The following GAB4 variants were observed in gnomAD, a reference collection of about 807,000 sequenced individuals.
GAB4 encodes GRB2-associated-binding protein 4.
A neutral mutation model predicts 51.3 loss-of-function variants in GAB4; 26 were observed. The ratio of observed to expected loss-of-function variants is 0.51; its 90% confidence interval spans 0.37 to 0.70. The LOEUF is 0.70. Ranked by LOEUF, GAB4 falls within the 30% of genes least tolerant of loss-of-function variation. GAB4 has a pLI of 0.00. For synonymous variants in GAB4, 329 were observed against 291.2 expected, an observed-to-expected ratio of 1.13 and a Z score of -1.32; for missense variants, 759 against 734.6, an observed-to-expected ratio of 1.03 and a Z score of -0.38.
intron 4 of GAB4, among the ~76,000 whole-genome samples, chr22:16,968,838 A>C (rs371090594): frequency 9.9e-5 from 15 of 152,278 alleles, no homozygotes; most frequent in East Asian, 7.7e-4. Context: ...TTGCTGAAAC[A>C]CTAAAAAGAC....
intron 5 of GAB4, chr22:16,967,134 A>G (rs1164021297): frequency 2.6e-5 from 4 of 152,204 alleles, no homozygotes; most frequent in African/African-American, 9.6e-5. Flanking sequence ...ATGGGATAAA[A>G]TATCTTTAGT....
chr22:16,971,520 T>C (rs2060731988), intron 3 of GAB4, among the ~76,000 whole-genome samples: 1 of 152,238 alleles, frequency 6.6e-6, no homozygotes, highest in Non-Finnish European at 1.5e-5. Context: ...TCTTTTATAT[T>C]ATTATTCCTC....
chr22:16,972,724 C>T (rs1434850094), intron 3 of GAB4, among the ~76,000 whole-genome samples: 1 of 152,130 alleles, frequency 6.6e-6, no homozygotes, highest in African/African-American at 2.4e-5. Flanking sequence ...AGTGAGCCCA[C>T]CCTACTCATT....
At chr22:16,982,199 G>C (rs2060832430) in intron 3 of GAB4, among the ~76,000 whole-genome samples, 1 of 152,290 alleles carries the variant, frequency 6.6e-6, no homozygotes, top group East Asian at 1.9e-4. Flanking sequence ...TGAGAAGGGA[G>C]AAAGAAAGGG....
rs1369311755 is a variant in GAB4 at position 17,007,991 on chromosome 22, A to G, written c.124T>C (p.Tyr42His). 2.5e-6 allele frequency: 4 copies of G among 1,612,402 alleles called. No individual in the cohort carries two copies. The East Asian group carries it at 6.7e-5, about 27-fold the overall frequency. The stretch of plus-strand genomic sequence containing the variant: ...GGCGACTTCCTCAGCCAGCCGCTGT[A>G]CAGCACGTGGCCACTTCTCGTGCTT... ...GGSTRSGHVL[Y>H]SGWLRKSPPE... The change falls in exon 1 of 10, where the codon TAC becomes CAC. Residue 42 changes from tyrosine (Y) to histidine (H), a missense_variant. Transcript: ENST00000400588.
At chr22:16,993,734 T>C (rs574219560) in intron 1 of GAB4, among the ~76,000 whole-genome samples, 11 of 152,348 alleles carry the variant, frequency 7.2e-5, no homozygotes, top group African/African-American at 2.6e-4. Flanking sequence ...ATTTACCTAG[T>C]TCATGGTTTT....
At chr22:16,994,323 A>T (rs1166480844) in intron 1 of GAB4, among the ~76,000 whole-genome samples, 1 of 152,198 alleles carries the variant, frequency 6.6e-6, no homozygotes, top group Non-Finnish European at 1.5e-5. Flanking sequence ...CGTACCCAAT[A>T]AGCCTTGGAT....
intron 5 of GAB4, 188 bp from the exon 6 acceptor site, chr22:16,966,552 C>T: frequency 1.6e-6 from 1 of 615,438 alleles, no homozygotes; most frequent in Non-Finnish European, 2.8e-6. Flanking sequence ...AGCCAGGAAC[C>T]CCATGGATGG....
intron 2 of GAB4, among the ~76,000 whole-genome samples, chr22:16,990,161 G>C (rs2060902469): frequency 6.6e-6 from 1 of 152,168 alleles, no homozygotes; most frequent in South Asian, 2.1e-4. Context: ...ACAGTGCGCT[G>C]CATCCTTAAG....
chr22:16,963,253 G>A (rs1191102846), intron 9 of GAB4, among the ~76,000 whole-genome samples: 2 of 152,138 alleles, frequency 1.3e-5, no homozygotes, highest in Non-Finnish European at 2.9e-5. Flanking sequence ...CCCAAGGGGC[G>A]CAATGCACAG....
intron 2 of GAB4, among the ~76,000 whole-genome samples, chr22:16,991,557 T>G (rs2060914154): frequency 6.6e-6 from 1 of 152,148 alleles, no homozygotes; most frequent in Non-Finnish European, 1.5e-5. Flanking sequence ...AAGGGTCAAG[T>G]GCAACTGTGC....
At chr22:16,963,947 T>C (rs1239184883) in intron 8 of GAB4, 118 bp from the exon 9 acceptor site, 4 of 709,210 alleles carry the variant, frequency 5.6e-6, no homozygotes, top group Admixed American at 4.3e-5. Context: ...AGCCATGCAC[T>C]GGGGCACTCT....
At chr22:16,971,113 G>A (rs1038941796) in intron 3 of GAB4, among the ~76,000 whole-genome samples, 1 of 152,134 alleles carries the variant, frequency 6.6e-6, no homozygotes. Context: ...AGTATGGCTT[G>A]AGCCCAGGAG....
At position 16,962,654 on chromosome 22, in the gene GAB4, TG is replaced by T; in HGVS notation, c.*78del. On this transcript the variant is annotated 3_prime_UTR_variant, in exon 10 of 10. Coordinates refer to ENST00000400588, the MANE Select transcript of GAB4 (RefSeq NM_001037814.1). ...CTCTCTATGTAAGGGATGCGGTCCC[TG>T]ATATTACAGAGCTTTAGAGTGTGGC... 1 of 1,333,686 alleles carries T rather than the reference TG, an allele frequency of 7.5e-7. No individual in the cohort carries two copies. Among genetic ancestry groups the T allele is most frequent in the East Asian group, 2.3e-5 (1 of 42,796 alleles). The allele number at this position is 1,333,686 out of a possible 1,614,324, so 82.6% of individuals were successfully genotyped here. A position where few individuals can be genotyped will look rare whatever the true frequency, so the allele number is the denominator to read the frequency against.
At chr22:16,967,886 G>C (rs1017155775) in intron 5 of GAB4, among the ~76,000 whole-genome samples, 1 of 152,132 alleles carries the variant, frequency 6.6e-6, no homozygotes, top group Non-Finnish European at 1.5e-5. Flanking sequence ...CTGCTCCAGA[G>C]GATCTCCTGG....
rs1233692350 is a variant in GAB4 at position 16,988,922 on chromosome 22, C to A, written c.479-755G>T. Among the ~76,000 whole-genome samples, 4 of 152,288 alleles carry A rather than the reference C, an allele frequency of 2.6e-5. No individual in the cohort carries two copies. In the East Asian group the frequency reaches 7.7e-4, roughly 29 times the overall value. The stretch of plus-strand genomic sequence containing the variant: ...TTTCACTTCTACTCAAATTCACATG[C>A]AGACTTTAAGACCTGCTCAAATATC... On this transcript the variant is annotated intron_variant, in intron 2 of 9. Transcript: ENST00000400588.
chr22:17,007,954 T>C lies in GAB4; in HGVS notation c.161A>G (p.Lys54Arg). ...TGCCCCACTCACAAAGAGCCTCAGC[T>C]TCTTCTCGGGGGGCGACTTCCTCAG... ...GWLRKSPPEK[K>R]LRLFAWRKRW... is the part of the protein sequence containing the mutation. Residue 54 changes from lysine (K) to arginine (R), a missense_variant, in exon 1 of 10, where the codon AAG becomes AGG. Physicochemically the swap from Lys to Arg is conservative, Grantham distance 26. Around this residue, in one of 3 missense-constraint regions of GAB4, gnomAD observed 83 missense variants for 73.1 expected, o/e 1.14. Transcript: ENST00000400588. 6.2e-7 allele frequency: 1 copy of C among 1,602,590 alleles called. No individual in the cohort carries two copies. Among genetic ancestry groups the C allele is most frequent in the Non-Finnish European group, 8.5e-7 (1 of 1,172,368 alleles).
chr22:16,986,787 T>G (rs776099256), intron 3 of GAB4, among the ~76,000 whole-genome samples: 45 of 152,240 alleles, frequency 3.0e-4, no homozygotes, highest in Admixed American at 9.2e-4. Context: ...TATCAGTTGA[T>G]GAAGGCGGAA....
In GAB4 at chr22:16,963,734, C is replaced by G. The variant is rs767190400; in HGVS notation, c.1572G>C (p.Gln524His). 5.6e-6 allele frequency: 9 copies of G among 1,612,950 alleles called. No homozygotes were observed. The African/African-American group carries it at 1.2e-4, about 22-fold the overall frequency. Residue 524 changes from glutamine to histidine, a missense_variant, in exon 9 of 10, where the codon CAG (glutamine) becomes CAC (histidine). Physicochemically the swap from Gln to His is conservative, Grantham distance 24. Coordinates refer to ENST00000400588, the MANE Select transcript of GAB4 (RefSeq NM_001037814.1). ...GNIHYAALDF[Q>H]PSKPSIGSVT... ...GCTCCACCCCAGGCACCTTGCTCGG[C>G]TGGAAGTCCAGGGCCGCGTAGTGGA...
Sources: allele counts gnomAD v4.1 joint callset (sites outside exome capture counted in the v4.1 genomes callset), GRCh38; gene constraint gnomAD v4.1.1; regional missense constraint gnomAD v4.1.1; transcripts MANE v1.5; gene names NCBI Gene and HGNC (gene_info 2026-07-23, HGNC 2026-07-21).